The following FOXN3 variants were observed in gnomAD, a reference collection of about 807,000 sequenced individuals.
The protein encoded by FOXN3 is forkhead box protein N3.
In FOXN3, 7 loss-of-function variants were observed where a neutral mutation model predicts 38.4. The ratio of observed to expected loss-of-function variants is 0.18; its 90% confidence interval spans 0.10 to 0.34. The LOEUF (loss-of-function observed/expected upper bound fraction) is 0.34. FOXN3 is among the 10% of genes least tolerant of loss of function. The pLI is 1.00. For missense variants in FOXN3, 456 were observed against 613.4 expected (o/e 0.74, Z 2.71); for synonymous variants, 230 against 242.2 (o/e 0.95, Z 0.47).
chr14:89,358,543 C>T (rs1055529229), intron 2 of FOXN3, among the ~76,000 whole-genome samples: 4 of 152,208 alleles, frequency 2.6e-5, no homozygotes, highest in Non-Finnish European at 5.9e-5. Flanking sequence ...TCATGGCATA[C>T]ATGCAGCTCA....
At chr14:89,524,669 A>G (rs1030524155) in intron 1 of FOXN3, among the ~76,000 whole-genome samples, 2 of 152,056 alleles carry the variant, frequency 1.3e-5, no homozygotes, top group Non-Finnish European at 2.9e-5. Flanking sequence ...GGACATTATC[A>G]ACAACTTTAT....
intron 4 of FOXN3, among the ~76,000 whole-genome samples, chr14:89,181,991 G>C (rs1887686409): frequency 6.6e-6 from 1 of 152,146 alleles, no homozygotes; most frequent in Non-Finnish European, 1.5e-5. Flanking sequence ...AGACTCCCCA[G>C]AGCTCTGGCT....
intron 4 of FOXN3, among the ~76,000 whole-genome samples, chr14:89,218,258 T>C (rs368735208): frequency 2.2e-4 from 33 of 152,332 alleles, no homozygotes; most frequent in African/African-American, 6.7e-4. Flanking sequence ...ACTAATTCAG[T>C]GACTATGATC....
chr14:89,237,013 C>G (rs1885001216), intron 4 of FOXN3, among the ~76,000 whole-genome samples: 1 of 152,160 alleles, frequency 6.6e-6, no homozygotes, highest in Non-Finnish European at 1.5e-5. Flanking sequence ...AGACAAATTC[C>G]CCCTGGACCT....
At chr14:89,211,782 T>C (rs1056531558) in intron 4 of FOXN3, among the ~76,000 whole-genome samples, 2 of 152,232 alleles carry the variant, frequency 1.3e-5, no homozygotes, top group African/African-American at 4.8e-5. Context: ...GGAAGCATTA[T>C]GATCCTTTGG....
At chr14:89,338,334 T>C (rs193270926) in intron 3 of FOXN3, among the ~76,000 whole-genome samples, 1 of 152,338 alleles carries the variant, frequency 6.6e-6, no homozygotes, top group East Asian at 1.9e-4. Flanking sequence ...AGAGAAATCA[T>C]TGATAAATAA....
chr14:89,522,369 A>T (rs1379733984), intron 1 of FOXN3, among the ~76,000 whole-genome samples: 1 of 152,220 alleles, frequency 6.6e-6, no homozygotes, highest in Non-Finnish European at 1.5e-5. Context: ...ATGTTAGAAG[A>T]AGTCCTTCAG....
At chr14:89,591,503 A>G (rs577390997) in intron 1 of FOXN3, among the ~76,000 whole-genome samples, 4 of 152,348 alleles carry the variant, frequency 2.6e-5, no homozygotes, top group South Asian at 4.1e-4. Flanking sequence ...CCAGTCCATG[A>G]GCAGCGCTAC....
intron 1 of FOXN3, among the ~76,000 whole-genome samples, chr14:89,581,736 TG>T (rs1895744885): frequency 6.6e-6 from 1 of 152,166 alleles, no homozygotes; most frequent in South Asian, 2.1e-4. Flanking sequence ...ACAGTGGACA[TG>T]GGTCTCTTCT....
intron 2 of FOXN3, among the ~76,000 whole-genome samples, chr14:89,363,105 G>T (rs888328182): frequency 6.6e-6 from 1 of 152,162 alleles, no homozygotes; most frequent in African/African-American, 2.4e-5. Flanking sequence ...TGAGCCCTGG[G>T]GGAGGAAGGG....
At chr14:89,387,810 A>C (rs1181875294) in intron 2 of FOXN3, among the ~76,000 whole-genome samples, 2 of 152,212 alleles carry the variant, frequency 1.3e-5, no homozygotes, top group African/African-American at 4.8e-5. Context: ...TGCACCATGC[A>C]AGGTGAATTC....
intron 1 of FOXN3, among the ~76,000 whole-genome samples, chr14:89,479,984 G>C (rs1410461053): frequency 6.6e-6 from 1 of 152,092 alleles, no homozygotes; most frequent in Non-Finnish European, 1.5e-5. Flanking sequence ...CCTTTCCTTG[G>C]TATTAAGTAA....
intron 1 of FOXN3, among the ~76,000 whole-genome samples, chr14:89,561,403 G>C (rs1002971056): frequency 6.6e-6 from 1 of 152,158 alleles, no homozygotes; most frequent in African/African-American, 2.4e-5. Context: ...GTAGAGACAG[G>C]GTTTCACCAT....
chr14:89,317,922 C>G (rs1211258940), intron 3 of FOXN3, among the ~76,000 whole-genome samples: 2 of 149,062 alleles, frequency 1.3e-5, no homozygotes, highest in Non-Finnish European at 3.0e-5. Flanking sequence ...GATGCGCGCT[C>G]CTTATGGGAA....
chr14:89,167,238 A>G (rs922217531), intron 5 of FOXN3, among the ~76,000 whole-genome samples: 1 of 152,248 alleles, frequency 6.6e-6, no homozygotes, highest in African/African-American at 2.4e-5. Context: ...CAGAATGAGC[A>G]GGCTTTCAGC....
chr14:89,586,605 GTTTT>G (rs1363782754), intron 1 of FOXN3, among the ~76,000 whole-genome samples: 4 of 152,190 alleles, frequency 2.6e-5, no homozygotes, highest in Admixed American at 1.3e-4. Context: ...AAGGTATGCT[GTTTT>G]TTTGTTTGCT....
intron 5 of FOXN3, among the ~76,000 whole-genome samples, chr14:89,170,073 T>C (rs1332772530): frequency 6.6e-6 from 1 of 152,174 alleles, no homozygotes. Flanking sequence ...ATAGCAATAT[T>C]AAAATGAGAT....
Position 89,163,114 on chromosome 14 carries a change from A to G in FOXN3, c.852-145T>C. The G allele has an allele frequency of 1.4e-6, 1 of 702,630 alleles. No individual in the cohort carries two copies. Among genetic ancestry groups the G allele is most frequent in the Non-Finnish European group, 2.2e-6 (1 of 457,900 alleles). 43.5% of individuals were successfully genotyped at this position (702,630 alleles called of 1,614,324 possible). On this transcript the variant is annotated intron_variant, in intron 5 of 5. Coordinates refer to ENST00000557258, the MANE Select transcript of FOXN3 (RefSeq NM_005197.4). The surrounding 1 kb of genome is among the most constrained non-coding windows in gnomAD (Gnocchi z 4.3). ...GGAGCCACTCGCAAACTGTGGGGGC[A>G]ACAGGTGGATCTGCTTTGAAGGCAG...
At chr14:89,213,761 G>C (rs1032453815) in intron 4 of FOXN3, among the ~76,000 whole-genome samples, 1 of 152,218 alleles carries the variant, frequency 6.6e-6, no homozygotes, top group Non-Finnish European at 1.5e-5. Context: ...GGGGGAGGCA[G>C]TAAGACTGCC....
Sources: allele counts gnomAD v4.1 joint callset (sites outside exome capture counted in the v4.1 genomes callset), GRCh38; gene constraint gnomAD v4.1.1; non-coding constraint Gnocchi (gnomAD v3.1); transcripts MANE v1.5; gene names NCBI Gene and HGNC (gene_info 2026-07-23, HGNC 2026-07-21).